ATP8B4: variants seen among roughly 807,000 people sequenced by gnomAD.
ATP8B4 encodes the protein probable phospholipid-transporting ATPase IM.
A neutral mutation model predicts 145.6 loss-of-function variants in ATP8B4; 133 were observed. That is an observed-to-expected ratio of 0.91 (90% CI 0.79 to 1.05). The LOEUF (loss-of-function observed/expected upper bound fraction) is 1.05, where lower values mean the gene tolerates loss of function less well. Ranked by LOEUF, ATP8B4 falls within the 50% of genes least tolerant of loss-of-function variation. The pLI is 0.00. For synonymous variants in ATP8B4, 507 were observed against 492.9 expected (o/e 1.03, Z -0.38); for missense variants, 1,458 against 1,425.2 (o/e 1.02, Z -0.37).
intron 1 of ATP8B4, among the ~76,000 whole-genome samples, chr15:50,173,024 A>G (rs8041483): frequency 0.66 from 90,807 of 136,800 alleles, 28,655 homozygotes; most frequent in East Asian, 0.91. Context: ...GGCAGCCCCC[A>G]TCCGGGAGGT....
intron 6 of ATP8B4, among the ~76,000 whole-genome samples, chr15:50,031,101 T>C (rs1339014615): frequency 6.6e-6 from 1 of 152,226 alleles, no homozygotes; most frequent in Non-Finnish European, 1.5e-5. Context: ...TACTGTAAGT[T>C]GAATATTCAT....
chr15:50,051,182 A>G (rs894721172), intron 3 of ATP8B4, among the ~76,000 whole-genome samples: 1 of 152,136 alleles, frequency 6.6e-6, no homozygotes, highest in Non-Finnish European at 1.5e-5. Flanking sequence ...ACAAGATCTG[A>G]CCATTTTATA....
intron 1 of ATP8B4, among the ~76,000 whole-genome samples, chr15:50,116,037 G>C: frequency 6.6e-6 from 1 of 152,176 alleles, no homozygotes; most frequent in Non-Finnish European, 1.5e-5. Flanking sequence ...GTTTGGGCTG[G>C]CACAAGAGGA....
chr15:49,915,256 G>A (rs1166430538), intron 20 of ATP8B4, among the ~76,000 whole-genome samples: 2 of 152,094 alleles, frequency 1.3e-5, no homozygotes, highest in Non-Finnish European at 2.9e-5. Flanking sequence ...AACTAAAAAA[G>A]TTGATCTCAT....
chr15:50,058,619 A>G (rs930474799), intron 3 of ATP8B4, among the ~76,000 whole-genome samples: 3 of 152,196 alleles, frequency 2.0e-5, no homozygotes, highest in African/African-American at 7.2e-5. Context: ...CCTCAGGGGT[A>G]GCCATGCAAT....
At chr15:50,012,711 A>T (rs886835580) in intron 6 of ATP8B4, among the ~76,000 whole-genome samples, 34 of 152,264 alleles carry the variant, frequency 2.2e-4, no homozygotes, top group East Asian at 1.9e-4. Context: ...TATTTTAAAG[A>T]GGAGAAAATA....
chr15:49,898,752 G>T (rs1440528432), intron 21 of ATP8B4, among the ~76,000 whole-genome samples: 1 of 152,168 alleles, frequency 6.6e-6, no homozygotes, highest in African/African-American at 2.4e-5. Context: ...CAGATGATCT[G>T]GGGATTGTCC....
At chr15:49,885,778 C>G (rs1279000606) in intron 23 of ATP8B4, 1 of 152,190 alleles carries the variant, frequency 6.6e-6, no homozygotes, top group East Asian at 1.9e-4. Context: ...GTCCCTCTCC[C>G]CAACACCCCA....
chr15:49,979,738 G>T lies in ATP8B4; in HGVS notation c.913C>A (p.Gln305Lys), dbSNP rs2045990266. 2 of 1,610,922 alleles carry T rather than the reference G, an allele frequency of 1.2e-6. No homozygotes were observed. The highest frequency in any genetic ancestry group is 2.2e-5 in the East Asian group (1 of 44,782). The stretch of plus-strand genomic sequence containing the variant: ...TTCCAAAAGAGGAAAGTTCTGAATT[G>T]GTCCCCAGTTTGACTCTCCCAGATT... ...NSIWESQTGD[Q>K]FRTFLFWNEG... Residue 305 changes from glutamine to lysine, a missense_variant, in exon 12 of 28, where the codon CAA becomes AAA. Gln to Lys is a moderately conservative substitution (Grantham distance 53). Coordinates refer to ENST00000284509, the MANE Select transcript of ATP8B4 (RefSeq NM_024837.4).
chr15:50,034,173 C>T (rs2153595928), intron 6 of ATP8B4, among the ~76,000 whole-genome samples: 1 of 151,752 alleles, frequency 6.6e-6, no homozygotes, highest in South Asian at 2.1e-4. Context: ...ATTTACATTC[C>T]CACCAACGGT....
At chr15:49,944,420 C>A (rs962409943) in intron 14 of ATP8B4, among the ~76,000 whole-genome samples, 4 of 151,974 alleles carry the variant, frequency 2.6e-5, no homozygotes, top group Non-Finnish European at 5.9e-5. Context: ...AAGAGGTGGT[C>A]ATATTTAAAA....
At chr15:50,175,220 T>C (rs1275103168) in intron 1 of ATP8B4, among the ~76,000 whole-genome samples, 1 of 152,098 alleles carries the variant, frequency 6.6e-6, no homozygotes, top group Non-Finnish European at 1.5e-5. Flanking sequence ...AAAAACCCTC[T>C]AGACATTGGC....
intron 2 of ATP8B4, among the ~76,000 whole-genome samples, chr15:50,083,951 AC>A (rs2054726075): frequency 6.6e-6 from 1 of 152,218 alleles, no homozygotes; most frequent in African/African-American, 2.4e-5. Context: ...AGATATGTGC[AC>A]AGCAAGGATG....
chr15:49,971,513 T>TG (rs1282269163), intron 13 of ATP8B4, among the ~76,000 whole-genome samples: 1 of 152,024 alleles, frequency 6.6e-6, no homozygotes, highest in Non-Finnish European at 1.5e-5. Context: ...AGCAAACATA[T>TG]GAAAAAAAGC....
intron 27 of ATP8B4, 22 bp from the exon 28 acceptor site, chr15:49,860,497 G>A: frequency 1.3e-6 from 2 of 1,575,238 alleles, no homozygotes; most frequent in Non-Finnish European, 1.7e-6. Context: ...CAGACCCAAA[G>A]TGAGATGATG....
chr15:50,173,644 G>C (rs1161418344), intron 1 of ATP8B4, among the ~76,000 whole-genome samples: 19 of 151,596 alleles, frequency 1.3e-4, no homozygotes, highest in Admixed American at 1.2e-3. Flanking sequence ...CTCCACTATT[G>C]TCCTATGACC....
At chr15:49,893,360 G>T (rs552412578) in intron 23 of ATP8B4, among the ~76,000 whole-genome samples, 1 of 152,010 alleles carries the variant, frequency 6.6e-6, no homozygotes, top group African/African-American at 2.4e-5. Context: ...AGAAAATATC[G>T]AACAAAGAGC....
intron 1 of ATP8B4, among the ~76,000 whole-genome samples, chr15:50,173,707 A>C (rs1162267915): frequency 1.3e-5 from 2 of 152,010 alleles, no homozygotes; most frequent in Non-Finnish European, 2.9e-5. Flanking sequence ...TAAATACTAA[A>C]AAAATTTAAA....
In ATP8B4 at chr15:49,861,473, TCTACCTAC is replaced by T. The variant is rs71124313; in HGVS notation, c.3297+764_3297+771del. Among the ~76,000 whole-genome samples the T allele has an allele frequency of 1.5e-4, 20 of 135,700 alleles. No individual in the cohort carries two copies. In the South Asian group the frequency reaches 1.5e-3, roughly 10 times the overall value. 89.0% of individuals were successfully genotyped at this position (135,700 alleles called of 152,430 possible). On this transcript the variant is annotated intron_variant, in intron 27 of 27. Coordinates refer to ENST00000284509, the MANE Select transcript of ATP8B4 (RefSeq NM_024837.4). ...GTCTGTCTATCTATCTATCTATCTA[TCTACCTAC>T]CTACCTACCTACCTACCTACCTCAG...
Sources: allele counts gnomAD v4.1 joint callset (sites outside exome capture counted in the v4.1 genomes callset), GRCh38; gene constraint gnomAD v4.1.1; transcripts MANE v1.5; gene names NCBI Gene and HGNC (gene_info 2026-07-23, HGNC 2026-07-21).